Variants in MAD1L1 observed in about 807,000 individuals in gnomAD.
MAD1L1 encodes the protein mitotic arrest deficient 1 like 1.
Under a neutral mutation model 96.9 loss-of-function variants are expected in MAD1L1, and 95 were observed. The ratio of observed to expected loss-of-function variants is 0.98; its 90% CI spans 0.83 to 1.16. The LOEUF (loss-of-function observed/expected upper bound fraction) is 1.16, where lower values mean the gene tolerates loss of function less well. MAD1L1 is among the 50% of genes most tolerant of loss of function. The pLI is 0.00. For missense variants in MAD1L1, 1,007 were observed against 954.4 expected (o/e 1.06, Z -0.73); for synonymous variants, 473 against 396.6 (o/e 1.19, Z -2.29).
At chr7:2,159,059 G>A (rs1789974544) in intron 10 of MAD1L1, among the ~76,000 whole-genome samples, 1 of 152,196 alleles carries the variant, frequency 6.6e-6, no homozygotes, top group Non-Finnish European at 1.5e-5. Flanking sequence ...GCAGACAGAG[G>A]AAAGGTCACT....
Position 2,096,854 on chromosome 7 carries a change from G to A in MAD1L1, c.1074-27516C>T, listed in dbSNP as rs919979530. Among the ~76,000 whole-genome samples, 8 of 152,150 alleles carry A rather than the reference G, an allele frequency of 5.3e-5. 1 individual carries two copies. The highest frequency in any genetic ancestry group is 8.8e-5 in the Non-Finnish European group (6 of 68,012). ...ATGGTACAGCCCGACAGCAGAGGAC[G>A]CTGGCCCAGGCGTGGGCCCCACCCT... On this transcript the variant is annotated intron_variant, in intron 11 of 18. Coordinates refer to ENST00000265854, the MANE Select transcript of MAD1L1 (RefSeq NM_001013836.2).
At chr7:1,828,294 A>T (rs1782531717) in intron 18 of MAD1L1, among the ~76,000 whole-genome samples, 1 of 152,206 alleles carries the variant, frequency 6.6e-6, no homozygotes, top group African/African-American at 2.4e-5. Context: ...GGAGACAGTC[A>T]CAGCCCAGGC....
At chr7:1,908,452 G>GTAA (rs1787811580) in intron 17 of MAD1L1, among the ~76,000 whole-genome samples, 1 of 151,662 alleles carries the variant, frequency 6.6e-6, no homozygotes, top group African/African-American at 2.4e-5. Flanking sequence ...CGCGATCGTG[G>GTAA]CTCACTGTAG....
At chr7:2,204,355 G>A (rs573259495) in intron 10 of MAD1L1, among the ~76,000 whole-genome samples, 14 of 152,156 alleles carry the variant, frequency 9.2e-5, no homozygotes, top group African/African-American at 2.7e-4. Context: ...ATCTGCGCAC[G>A]TGAACAGTTT....
intron 17 of MAD1L1, among the ~76,000 whole-genome samples, chr7:1,908,137 C>G (rs1195920957): frequency 2.0e-5 from 3 of 152,226 alleles, no homozygotes; most frequent in Non-Finnish European, 4.4e-5. Flanking sequence ...GGTTGGGATT[C>G]CAGCATGACA....
intron 18 of MAD1L1, among the ~76,000 whole-genome samples, chr7:1,896,898 T>C (rs1157027919): frequency 2.6e-5 from 4 of 152,266 alleles, no homozygotes; most frequent in Admixed American, 6.5e-5. Flanking sequence ...CCTATGGAAT[T>C]CGTATAATGC....
chr7:2,037,711 G>A (rs1483666711), intron 12 of MAD1L1, among the ~76,000 whole-genome samples: 1 of 152,074 alleles, frequency 6.6e-6, no homozygotes, highest in Non-Finnish European at 1.5e-5. Context: ...CTCCTCAGAC[G>A]GCAAAAGCTT....
intron 11 of MAD1L1, among the ~76,000 whole-genome samples, chr7:2,130,848 T>C (rs1016904198): frequency 6.6e-6 from 1 of 152,248 alleles, no homozygotes; most frequent in Non-Finnish European, 1.5e-5. Flanking sequence ...TCAGTGCGAA[T>C]GCCAAATCAA....
At chr7:1,962,271 C>G (rs1353790207) in intron 15 of MAD1L1, among the ~76,000 whole-genome samples, 2 of 152,236 alleles carry the variant, frequency 1.3e-5, no homozygotes, top group Non-Finnish European at 2.9e-5. Flanking sequence ...TCTCTCTTGT[C>G]TGCCACCATG....
chr7:1,938,837 G>A (rs1778763677), intron 16 of MAD1L1, among the ~76,000 whole-genome samples: 1 of 104,422 alleles, frequency 9.6e-6, no homozygotes, highest in Admixed American at 1.0e-4. Flanking sequence ...GCCGGGGCCA[G>A]AGGCACACAC....
chr7:2,170,082 G>A (rs1790641238), intron 10 of MAD1L1, among the ~76,000 whole-genome samples: 1 of 152,152 alleles, frequency 6.6e-6, no homozygotes, highest in African/African-American at 2.4e-5. Context: ...CAAACACCCG[G>A]GCCAGGCTCT....
chr7:1,998,680 G>A (rs1267499426), intron 14 of MAD1L1, among the ~76,000 whole-genome samples: 3 of 152,164 alleles, frequency 2.0e-5, no homozygotes, highest in African/African-American at 7.2e-5. Flanking sequence ...AGCACCGACA[G>A]CCCTCAGGGC....
intron 18 of MAD1L1, among the ~76,000 whole-genome samples, chr7:1,894,832 G>C (rs1313966630): frequency 6.6e-6 from 1 of 152,026 alleles, no homozygotes; most frequent in Non-Finnish European, 1.5e-5. Context: ...GGGGTTGGGT[G>C]AGGCTGGGGG....
chr7:2,231,539 G>A (rs777324316), intron 1 of MAD1L1, among the ~76,000 whole-genome samples: 3 of 151,388 alleles, frequency 2.0e-5, no homozygotes, highest in Non-Finnish European at 2.9e-5. Context: ...CCCAGGAGAT[G>A]GAGGTTGCAG....
chr7:1,935,695 C>T (rs1317861949), intron 17 of MAD1L1, among the ~76,000 whole-genome samples: 1 of 152,244 alleles, frequency 6.6e-6, no homozygotes, highest in Non-Finnish European at 1.5e-5. Flanking sequence ...TGCTCTCCCA[C>T]AGTACAGGGC....
chr7:2,083,064 C>A (rs1402036548), intron 11 of MAD1L1, among the ~76,000 whole-genome samples: 2 of 152,202 alleles, frequency 1.3e-5, no homozygotes, highest in Non-Finnish European at 2.9e-5. Flanking sequence ...CCTCCCTGCG[C>A]GTGACGTCCT....
intron 11 of MAD1L1, among the ~76,000 whole-genome samples, chr7:2,120,193 C>T (rs1787906835): frequency 6.6e-6 from 1 of 152,252 alleles, no homozygotes; most frequent in Admixed American, 6.5e-5. Context: ...CACAGTCTCC[C>T]TTCCCCAGTT....
chr7:2,081,858 G>T (rs915883248), intron 11 of MAD1L1, among the ~76,000 whole-genome samples: 4 of 152,266 alleles, frequency 2.6e-5, no homozygotes, highest in Middle Eastern at 3.2e-3. Context: ...GGGCCTTCAT[G>T]CGAGTGGCCA....
At chr7:1,855,769 G>C (rs1258542097) in intron 18 of MAD1L1, among the ~76,000 whole-genome samples, 2 of 152,062 alleles carry the variant, frequency 1.3e-5, no homozygotes, top group Admixed American at 6.5e-5. Context: ...CTTTTCACAG[G>C]CTCCACCCCA....
Sources: allele counts gnomAD v4.1 joint callset (sites outside exome capture counted in the v4.1 genomes callset), GRCh38; gene constraint gnomAD v4.1.1; transcripts MANE v1.5; gene names NCBI Gene and HGNC (gene_info 2026-07-23, HGNC 2026-07-21).